The following KRT75 variants were observed in gnomAD, a reference collection of about 807,000 sequenced individuals.
KRT75 encodes keratin 75.
Under a neutral mutation model 48.8 loss-of-function variants are expected in KRT75, and 35 were observed. That is an observed-to-expected ratio of 0.72 (90% CI 0.55 to 0.95). The LOEUF (loss-of-function observed/expected upper bound fraction) is 0.95, where lower values mean the gene tolerates loss of function less well. Ranked by LOEUF, KRT75 falls within the 40% of genes least tolerant of loss-of-function variation. The pLI is 0.00. For synonymous variants in KRT75, 301 were observed against 282.3 expected, an observed-to-expected ratio of 1.07 and a Z score of -0.66; for missense variants, 776 against 709.9, an observed-to-expected ratio of 1.09 and a Z score of -1.06.
At chr12:52,431,788 G>A (rs576124091) in intron 3 of KRT75, 150 bp from the exon 4 acceptor site, 19 of 774,208 alleles carry the variant, frequency 2.5e-5, no homozygotes, top group South Asian at 1.3e-4. Context: ...GGGTAATTAC[G>A]GAGAACTGGG....
chr12:52,432,082 G>T lies in KRT75; in HGVS notation c.714-16C>A, dbSNP rs750883492. On this transcript the variant is annotated splice_polypyrimidine_tract_variant and intron_variant, in intron 2 of 8. Coordinates refer to ENST00000252245, the MANE Select transcript of KRT75 (RefSeq NM_004693.3). Reference sequence around the variant, plus strand: ...ATCTTCGTACCTATAAGGACAGAGCGGGGGGTGTGCTGTTGAGCAAGTCTG... The same window carrying T: ...ATCTTCGTACCTATAAGGACAGAGCTGGGGGTGTGCTGTTGAGCAAGTCTG... The T allele has an allele frequency of 4.3e-6, 7 of 1,613,140 alleles. No homozygotes were observed. The highest frequency in any genetic ancestry group is 4.0e-5 in the African/African-American group (3 of 74,880).
rs570688019 is a variant in KRT75 at position 52,426,906 on chromosome 12, G to A, written c.1383-55C>T. Reference sequence around the variant, plus strand: ...TTACCAATGTGGCCAGCAGCTTAAGGGCCTTTGCAATGACACTTTTGTAAT... The same window carrying A: ...TTACCAATGTGGCCAGCAGCTTAAGAGCCTTTGCAATGACACTTTTGTAAT... On this transcript the variant is annotated intron_variant, in intron 7 of 8. Coordinates refer to ENST00000252245, the MANE Select transcript of KRT75 (RefSeq NM_004693.3). 1.1e-5 allele frequency: 17 copies of A among 1,501,810 alleles called. No individual in the cohort carries two copies. The East Asian group carries it at 3.6e-4, about 32-fold the overall frequency. 93.0% of individuals were successfully genotyped at this position (1,501,810 alleles called of 1,614,324 possible).
At position 52,424,686 on chromosome 12, in the gene KRT75, A is replaced by G. The variant is rs1489899244; in HGVS notation, c.1487T>C (p.Leu496Pro). ...GSSIGGGNLGLGGGSGYSFTT... is the reference protein window; with the variant it reads ...GSSIGGGNLGPGGGSGYSFTT... Reference sequence around the variant, plus strand: ...GAAGGAGTAGCCGCTGCCCCCACCGAGGCCCAGGTTTCCACCTCCAATGCT... The same window carrying G: ...GAAGGAGTAGCCGCTGCCCCCACCGGGGCCCAGGTTTCCACCTCCAATGCT... The change falls in exon 9 of 9, where the codon CTC (leucine) becomes CCC (proline). Residue 496 changes from leucine to proline, a missense_variant. Physicochemically the swap from Leu to Pro is moderately conservative, Grantham distance 98. Coordinates refer to ENST00000252245, the MANE Select transcript of KRT75 (RefSeq NM_004693.3). 1 of 1,614,128 alleles carries G rather than the reference A, an allele frequency of 6.2e-7. No individual in the cohort carries two copies. The highest frequency in any genetic ancestry group is 8.5e-7 in the Non-Finnish European group (1 of 1,179,986).
chr12:52,431,104 A>C (rs1940138647), intron 4 of KRT75, among the ~76,000 whole-genome samples: 1 of 151,678 alleles, frequency 6.6e-6, no homozygotes, highest in Non-Finnish European at 1.5e-5. Flanking sequence ...CCACAGACCC[A>C]GGTCTCTGCC....
At chr12:52,430,756 A>G in intron 4 of KRT75, 51 bp from the exon 5 acceptor site, 1 of 1,604,812 alleles carries the variant, frequency 6.2e-7, no homozygotes, top group Non-Finnish European at 8.5e-7. Flanking sequence ...AAGAATCTTA[A>G]ATCTTCGTGG....
chr12:52,433,172 C>A lies in KRT75; in HGVS notation c.579G>T (p.Arg193Ser), dbSNP rs778032104. 6.2e-7 allele frequency: 1 copy of A among 1,614,114 alleles called. No homozygotes were observed. Among genetic ancestry groups the A allele is most frequent in the East Asian group, 2.2e-5 (1 of 44,872 alleles). ...AATCAAAGAGGGGCTCTAGGTTCTG[C>A]CTCACAGTCCTGGAGCCCTGCTCCT... Reference protein sequence around the residue: ...LLQEQGSRTVRQNLEPLFDSY... With the variant: ...LLQEQGSRTVSQNLEPLFDSY... Residue 193 changes from arginine (R) to serine (S), a missense_variant, in exon 2 of 9, where the codon AGG (arginine) becomes AGT (serine). Arg to Ser is a moderately radical substitution (Grantham distance 110). Coordinates refer to ENST00000252245, the MANE Select transcript of KRT75 (RefSeq NM_004693.3).
chr12:52,430,785 C>T lies in KRT75; in HGVS notation c.871-80G>A. 8 of 1,479,884 alleles carry T rather than the reference C, an allele frequency of 5.4e-6. No homozygotes were observed. In the South Asian group the frequency reaches 9.0e-5, roughly 17 times the overall value. The allele number at this position is 1,479,884 out of a possible 1,614,324, so 91.7% of individuals were successfully genotyped here. ...TTCGTGGTTAACTACCCATCTAGGT[C>T]AGGAATCCTTTCCTTGGTATTCCTG... On this transcript the variant is annotated intron_variant, in intron 4 of 8. Coordinates refer to ENST00000252245, the MANE Select transcript of KRT75 (RefSeq NM_004693.3).
rs1940047965 is a variant in KRT75 at position 52,424,179 on chromosome 12, A to G, written c.*338T>C. 2.4e-6 allele frequency: 1 copy of G among 414,152 alleles called. No individual in the cohort carries two copies. The highest frequency in any genetic ancestry group is 2.2e-5 in the South Asian group (1 of 45,460). 25.7% of individuals were successfully genotyped at this position (414,152 alleles called of 1,614,324 possible). A position where few individuals can be genotyped will look rare whatever the true frequency, so the allele number is the denominator to read the frequency against. ...TGAGACAGGTGGGTGACAACCTGGC[A>G]TTGAGAGACTCCCCAGCCTCTGCAT... On this transcript the variant is annotated 3_prime_UTR_variant, in exon 9 of 9. Coordinates refer to ENST00000252245, the MANE Select transcript of KRT75 (RefSeq NM_004693.3).
chr12:52,430,787 G>A, intron 4 of KRT75, 82 bp from the exon 5 acceptor site: 2 of 1,473,996 alleles, frequency 1.4e-6, no homozygotes, highest in Non-Finnish European at 1.9e-6. Context: ...ATCTAGGTCA[G>A]GAATCCTTTC....
intron 8 of KRT75, 65 bp downstream of exon 8, chr12:52,426,750 GCC>G: frequency 6.7e-7 from 1 of 1,485,342 alleles, no homozygotes; most frequent in Non-Finnish European, 9.4e-7. Context: ...CCTCTGGCAA[GCC>G]CACCACATCC....
chr12:52,430,440 A>C (rs1190257481), intron 5 of KRT75, 101 bp downstream of exon 5: 4 of 1,273,588 alleles, frequency 3.1e-6, no homozygotes, highest in Non-Finnish European at 3.4e-6. Flanking sequence ...AGTTGAAATA[A>C]ACGAATGTGC....
chr12:52,433,733 TC>T, intron 1 of KRT75, 73 bp downstream of exon 1: 2 of 1,604,226 alleles, frequency 1.2e-6, no homozygotes, highest in Admixed American at 1.7e-5. Context: ...ATTATTGCTC[TC>T]CCCCCATGGG....
At chr12:52,432,093 T>A (rs1940153209) in intron 2 of KRT75, 27 bp from the exon 3 acceptor site, 1 of 1,613,340 alleles carries the variant, frequency 6.2e-7, no homozygotes. Context: ...GGGGGTGTGC[T>A]GTTGAGCAAG....
rs1940052974 is a variant in KRT75, at chr12:52,424,570, T to A, written c.1603A>T (p.Ser535Cys). 1 of 1,614,002 alleles carries A rather than the reference T, an allele frequency of 6.2e-7. No individual in the cohort carries two copies. Among genetic ancestry groups the A allele is most frequent in the Non-Finnish European group, 8.5e-7 (1 of 1,180,026 alleles). ...SNRGLGGSGS[S>C]VKFVSTTSSS... ...GATGTGGTGGAGACAAACTTGACGC[T>A]AGAACCACTGCCCCCTAAGCCCCGG... The change falls in exon 9 of 9, where the codon AGC becomes TGC. Residue 535 changes from serine (S) to cysteine (C), a missense_variant. Physicochemically the swap from Ser to Cys is moderately radical, Grantham distance 112. Coordinates refer to ENST00000252245, the MANE Select transcript of KRT75 (RefSeq NM_004693.3).
Position 52,433,121 on chromosome 12 carries a change from C to A in KRT75, c.630G>T (p.Gln210His), listed in dbSNP as rs1228368408. The A allele has an allele frequency of 1.9e-6, 3 of 1,608,730 alleles. No homozygotes were observed. In the South Asian group the frequency reaches 3.3e-5, roughly 18 times the overall value. ...FDSYTSELRRQLESITTERGR... is the reference protein window; with the variant it reads ...FDSYTSELRRHLESITTERGR... ...CCCTCTCGGTGGTGATGCTTTCCAGCTGCCGTCGGAGCTCACTGGTATAGG... is the reference window on the plus strand; with the variant it reads ...CCCTCTCGGTGGTGATGCTTTCCAGATGCCGTCGGAGCTCACTGGTATAGG... The change falls in exon 2 of 9, where the codon CAG becomes CAT. Residue 210 changes from glutamine to histidine, a missense_variant. Gln to His is a conservative substitution (Grantham distance 24). Transcript: ENST00000252245.
intron 2 of KRT75, 44 bp from the exon 3 acceptor site, chr12:52,432,110 T>C (rs1285015535): frequency 5.0e-6 from 8 of 1,599,118 alleles, no homozygotes; most frequent in African/African-American, 4.0e-5. Context: ...CAAGTCTGCA[T>C]TGAACTCTTT....
At chr12:52,424,838 C>T in intron 8 of KRT75, 83 bp from the exon 9 acceptor site, 1 of 1,134,022 alleles carries the variant, frequency 8.8e-7, no homozygotes, top group South Asian at 1.2e-5. Context: ...CCCTGGAGTC[C>T]TTGGGTGGGG....
chr12:52,430,682 C>T lies in KRT75; in HGVS notation c.894G>A (p.Gln298=), dbSNP rs1161446667. 1.3e-5 allele frequency: 21 copies of T among 1,614,076 alleles called. No individual in the cohort carries two copies. The highest frequency in any genetic ancestry group is 1.8e-5 in the Non-Finnish European group (21 of 1,180,034). Residue 298 remains glutamine, a synonymous_variant, in exon 5 of 9, where the codon CAG becomes CAA. Transcript: ENST00000252245. The part of the protein sequence containing the change: ...FDAELSQLQT[Q]VGDTSVVLSM... ...ACAGCACCACGGATGTGTCACCGAC[C>T]TGGGTCTGCAACTGGGACAGCTCCT...
chr12:52,430,170 T>C (rs747941779), intron 5 of KRT75, among the ~76,000 whole-genome samples: 10 of 152,206 alleles, frequency 6.6e-5, no homozygotes, highest in Middle Eastern at 3.2e-3. Flanking sequence ...TTTATTTATT[T>C]GCAACCCTGT....
Sources: allele counts gnomAD v4.1 joint callset (sites outside exome capture counted in the v4.1 genomes callset), GRCh38; gene constraint gnomAD v4.1.1; transcripts MANE v1.5; gene names NCBI Gene and HGNC (gene_info 2026-07-23, HGNC 2026-07-21).